The following DPF3 variants were observed in gnomAD, a reference collection of about 807,000 sequenced individuals.
The protein encoded by DPF3 is double PHD fingers 3.
A neutral mutation model predicts 56.8 loss-of-function variants in DPF3; 18 were observed. The ratio of observed to expected loss-of-function variants is 0.32; its 90% CI spans 0.22 to 0.47. DPF3 has a LOEUF of 0.47. DPF3 is among the 20% of genes least tolerant of loss of function. The pLI is 1.00. For missense variants in DPF3, 403 were observed against 488.8 expected (o/e 0.82, Z 1.65); for synonymous variants, 188 against 180.2 (o/e 1.04, Z -0.35).
intron 8 of DPF3, chr14:72,673,878 T>G (rs1886796114): frequency 4.9e-6 from 1 of 204,700 alleles, no homozygotes; most frequent in South Asian, 1.0e-4. Context: ...CAGAACAAAC[T>G]CATCTTTCTG....
intron 6 of DPF3, among the ~76,000 whole-genome samples, chr14:72,706,439 A>G (rs1888406382): frequency 6.6e-6 from 1 of 152,220 alleles, no homozygotes; most frequent in Admixed American, 6.5e-5. Flanking sequence ...GAAAGAGAAA[A>G]TAAGACCAAG....
chr14:72,684,152 C>T (rs1037253596), intron 7 of DPF3, among the ~76,000 whole-genome samples: 1 of 152,092 alleles, frequency 6.6e-6, no homozygotes, highest in African/African-American at 2.4e-5. Flanking sequence ...CTTCAAGCAA[C>T]CCTCCCACCT....
At chr14:72,647,212 A>ATTTT (rs1210310208) in intron 8 of DPF3, among the ~76,000 whole-genome samples, 1 of 152,210 alleles carries the variant, frequency 6.6e-6, no homozygotes, top group African/African-American at 2.4e-5. Flanking sequence ...CAAAAGGCCA[A>ATTTT]GGTTTACCAC....
intron 4 of DPF3, among the ~76,000 whole-genome samples, chr14:72,730,861 T>C (rs1266389043): frequency 6.6e-6 from 1 of 151,876 alleles, no homozygotes; most frequent in Non-Finnish European, 1.5e-5. Flanking sequence ...TCCAGACAAA[T>C]AACAAATAAG....
intron 1 of DPF3, among the ~76,000 whole-genome samples, chr14:72,841,088 A>G (rs762763611): frequency 1.3e-5 from 2 of 152,200 alleles, no homozygotes; most frequent in Non-Finnish European, 2.9e-5. Context: ...TGCTTTAGCA[A>G]GGGATTTTTA....
chr14:72,877,890 A>T (rs189730376), intron 1 of DPF3, among the ~76,000 whole-genome samples: 1 of 152,326 alleles, frequency 6.6e-6, no homozygotes, highest in East Asian at 1.9e-4. Context: ...TATCTGTTAT[A>T]CTCAGATGGC....
chr14:72,717,307 T>C (rs184825771), intron 5 of DPF3, among the ~76,000 whole-genome samples: 19 of 152,342 alleles, frequency 1.2e-4, no homozygotes, highest in Non-Finnish European at 2.6e-4. Context: ...CTTCTCTAAC[T>C]TTTAGTTTTC....
At chr14:72,879,981 C>T in intron 1 of DPF3, 2 of 1,459,974 alleles carry the variant, frequency 1.4e-6, no homozygotes, top group South Asian at 1.4e-5. Flanking sequence ...AAAAGAAACA[C>T]CCATCAAGAC....
rs867097966 is a variant in DPF3 at position 72,882,769 on chromosome 14, T to C, written c.32+11288A>G. On this transcript the variant is annotated intron_variant, in intron 1 of 10. Transcript: ENST00000556509. ...TCCCACTGCCCCATCCACCCTGCCCTCCCCCTATCACCAGCACCGCGTTGC... is the reference window on the plus strand; with the variant it reads ...TCCCACTGCCCCATCCACCCTGCCCCCCCCCTATCACCAGCACCGCGTTGC... 2.7e-3 allele frequency among the ~76,000 whole-genome samples: 410 copies of C among 150,510 alleles called. 3 individuals carry two copies. Among genetic ancestry groups the C allele is most frequent in the African/African-American group, 9.9e-3 (403 of 40,862 alleles).
intron 6 of DPF3, among the ~76,000 whole-genome samples, chr14:72,701,589 G>C (rs181120579): frequency 6.6e-6 from 1 of 152,302 alleles, no homozygotes; most frequent in African/African-American, 2.4e-5. Context: ...GGGGCAGCTT[G>C]TGTGAACAAA....
At chr14:72,785,353 A>C (rs2139971886) in intron 1 of DPF3, among the ~76,000 whole-genome samples, 1 of 152,188 alleles carries the variant, frequency 6.6e-6, no homozygotes, top group Non-Finnish European at 1.5e-5. Context: ...CCACCCCCTC[A>C]CACACCCCAC....
At chr14:72,799,579 C>T (rs1207347451) in intron 1 of DPF3, among the ~76,000 whole-genome samples, 1 of 151,920 alleles carries the variant, frequency 6.6e-6, no homozygotes, top group East Asian at 1.9e-4. Flanking sequence ...TCGCTTGAGC[C>T]CAGTGAGCCA....
intron 7 of DPF3, among the ~76,000 whole-genome samples, chr14:72,674,684 C>T (rs1239405830): frequency 6.6e-6 from 1 of 152,226 alleles, no homozygotes; most frequent in Non-Finnish European, 1.5e-5. Flanking sequence ...GTGAACTACT[C>T]TCAGCCCTAA....
chr14:72,736,368 G>A (rs1299496248), intron 3 of DPF3, among the ~76,000 whole-genome samples: 1 of 152,192 alleles, frequency 6.6e-6, no homozygotes, highest in African/African-American at 2.4e-5. Context: ...TACCATAATG[G>A]ACAGTGCAGA....
At chr14:72,747,676 A>T (rs191815305) in intron 3 of DPF3, among the ~76,000 whole-genome samples, 5 of 151,450 alleles carry the variant, frequency 3.3e-5, no homozygotes, top group Admixed American at 1.3e-4. Flanking sequence ...CTGTGTCCCC[A>T]TCCAAATCTC....
At chr14:72,823,709 TG>T (rs1189039144) in intron 1 of DPF3, among the ~76,000 whole-genome samples, 1 of 152,112 alleles carries the variant, frequency 6.6e-6, no homozygotes, top group Admixed American at 6.5e-5. Flanking sequence ...AAGGAAAAAT[TG>T]GGGGCTAGGG....
At chr14:72,880,656 G>A (rs993217956) in intron 1 of DPF3, among the ~76,000 whole-genome samples, 15 of 152,024 alleles carry the variant, frequency 9.9e-5, no homozygotes, top group African/African-American at 2.9e-4. Context: ...TCTTGGGCTC[G>A]GGTGATCCTC....
chr14:72,792,210 G>A (rs1033470049), intron 1 of DPF3, among the ~76,000 whole-genome samples: 10 of 152,014 alleles, frequency 6.6e-5, no homozygotes, highest in African/African-American at 2.4e-4. Flanking sequence ...ACCCCTCTGA[G>A]TCAGGCCCAG....
chr14:72,840,423 C>T (rs185157956), intron 1 of DPF3, among the ~76,000 whole-genome samples: 117 of 152,264 alleles, frequency 7.7e-4, no homozygotes, highest in Middle Eastern at 3.4e-3. Context: ...TATTCTCCTA[C>T]GCCCTACCCT....
Sources: allele counts gnomAD v4.1 joint callset (sites outside exome capture counted in the v4.1 genomes callset), GRCh38; gene constraint gnomAD v4.1.1; transcripts MANE v1.5; gene names NCBI Gene and HGNC (gene_info 2026-07-23, HGNC 2026-07-21).